Variants in RAPGEF2 observed in about 807,000 individuals in gnomAD.
RAPGEF2 encodes PDZ domain containing guanine nucleotide exchange factor (GEF) 1.
In RAPGEF2, 54 loss-of-function variants were observed where a neutral mutation model predicts 186.7. The observed-to-expected ratio is 0.29, with a 90% CI of 0.23 to 0.36. The LOEUF (loss-of-function observed/expected upper bound fraction) is 0.36. RAPGEF2 is among the 10% of genes least tolerant of loss of function. The pLI, the probability that RAPGEF2 is intolerant of heterozygous loss-of-function variation, is 1.00. For missense variants in RAPGEF2, 1,532 were observed against 2,045.0 expected (o/e 0.75, Z 4.84); for synonymous variants, 712 against 705.9 (o/e 1.01, Z -0.14).
intron 1 of RAPGEF2, among the ~76,000 whole-genome samples, chr4:159,128,043 G>A (rs1344628524): frequency 6.6e-6 from 1 of 152,080 alleles, no homozygotes; most frequent in Non-Finnish European, 1.5e-5. Flanking sequence ...ATTTAGGTAT[G>A]TATATATATG....
chr4:159,303,700 A>G (rs1168652171), intron 7 of RAPGEF2, among the ~76,000 whole-genome samples: 1 of 152,046 alleles, frequency 6.6e-6, no homozygotes, highest in South Asian at 2.1e-4. Flanking sequence ...CGTAAGGGAT[A>G]CTTAGTGAAT....
At chr4:159,342,859 G>A in intron 20 of RAPGEF2, 120 bp from the exon 21 acceptor site, 1 of 904,620 alleles carries the variant, frequency 1.1e-6, no homozygotes, top group Non-Finnish European at 1.7e-6. Flanking sequence ...AGTTTCTTAT[G>A]CAGCCTTCTG....
chr4:159,176,072 G>A (rs969427274), intron 1 of RAPGEF2, among the ~76,000 whole-genome samples: 6 of 152,192 alleles, frequency 3.9e-5, no homozygotes, highest in Non-Finnish European at 5.9e-5. Context: ...AACTTTAGAG[G>A]CTCAGAAAGG....
intron 4 of RAPGEF2, among the ~76,000 whole-genome samples, chr4:159,212,050 A>G (rs1750584613): frequency 1.3e-5 from 2 of 152,322 alleles, no homozygotes; most frequent in Non-Finnish European, 1.5e-5. Flanking sequence ...ATGATTTCAT[A>G]ACTCTCCTTT....
intron 9 of RAPGEF2, among the ~76,000 whole-genome samples, chr4:159,319,250 G>A (rs575967418): frequency 6.6e-6 from 1 of 152,276 alleles, no homozygotes; most frequent in East Asian, 1.9e-4. Context: ...AGGTGAGGGA[G>A]CATTACCACC....
intron 1 of RAPGEF2, among the ~76,000 whole-genome samples, chr4:159,179,978 C>T (rs1374528089): frequency 6.6e-6 from 1 of 152,114 alleles, no homozygotes; most frequent in Non-Finnish European, 1.5e-5. Context: ...ATTCTTAGAC[C>T]AGGGCATAGT....
At chr4:159,183,889 C>A (rs577973264) in intron 1 of RAPGEF2, among the ~76,000 whole-genome samples, 1 of 152,298 alleles carries the variant, frequency 6.6e-6, no homozygotes, top group South Asian at 2.1e-4. Context: ...TATCCCTCCC[C>A]CCTCCTCTCA....
At chr4:159,227,460 A>G (rs1442287964) in intron 4 of RAPGEF2, among the ~76,000 whole-genome samples, 3 of 152,232 alleles carry the variant, frequency 2.0e-5, no homozygotes, top group African/African-American at 2.4e-5. Flanking sequence ...AGTATATTGG[A>G]TGGGCATGTG....
intron 1 of RAPGEF2, among the ~76,000 whole-genome samples, chr4:159,176,221 G>GTT (rs1488407274): frequency 6.6e-6 from 1 of 152,158 alleles, no homozygotes; most frequent in East Asian, 1.9e-4. Flanking sequence ...TGGTGTTTGG[G>GTT]TTTCATTCCA....
At chr4:159,306,126 C>T (rs952924168) in intron 8 of RAPGEF2, among the ~76,000 whole-genome samples, 4 of 148,218 alleles carry the variant, frequency 2.7e-5, no homozygotes, top group Non-Finnish European at 4.5e-5. Flanking sequence ...TTTGTGATTA[C>T]GTATGAACTT....
intron 7 of RAPGEF2, among the ~76,000 whole-genome samples, chr4:159,287,897 A>G (rs537354352): frequency 2.9e-4 from 44 of 152,266 alleles, no homozygotes; most frequent in African/African-American, 1.0e-3. Context: ...TGAATCCTCA[A>G]GCTCTTCCAG....
At chr4:159,104,537 A>AGAGAGG (rs1560964949) in intron 1 of RAPGEF2, among the ~76,000 whole-genome samples, 1 of 105,574 alleles carries the variant, frequency 9.5e-6, no homozygotes, top group African/African-American at 4.7e-5. Flanking sequence ...GGAGAGACAG[A>AGAGAGG]GAGAGAGAGA....
intron 7 of RAPGEF2, among the ~76,000 whole-genome samples, chr4:159,271,402 G>A (rs750945638): frequency 1.2e-4 from 18 of 152,138 alleles, no homozygotes; most frequent in Non-Finnish European, 1.8e-4. Context: ...GTACACATAA[G>A]AAAGTGCCCT....
At chr4:159,204,674 G>A (rs1030237508) in intron 3 of RAPGEF2, among the ~76,000 whole-genome samples, 17 of 152,110 alleles carry the variant, frequency 1.1e-4, no homozygotes, top group Non-Finnish European at 1.9e-4. Context: ...AGAGTTTCTC[G>A]TTATAAACCA....
intron 4 of RAPGEF2, among the ~76,000 whole-genome samples, chr4:159,213,604 G>C (rs1205338614): frequency 6.6e-6 from 1 of 152,186 alleles, no homozygotes; most frequent in South Asian, 2.1e-4. Flanking sequence ...TTGGCTTCCA[G>C]ATTTAATTAG....
At chr4:159,141,456 A>G (rs1284565684) in intron 1 of RAPGEF2, among the ~76,000 whole-genome samples, 2 of 152,066 alleles carry the variant, frequency 1.3e-5, no homozygotes, top group Non-Finnish European at 2.9e-5. Context: ...TCTGGATTCC[A>G]TGTCCCCTTA....
intron 4 of RAPGEF2, among the ~76,000 whole-genome samples, chr4:159,226,497 A>T (rs1356932617): frequency 6.6e-6 from 1 of 152,128 alleles, no homozygotes; most frequent in Non-Finnish European, 1.5e-5. Flanking sequence ...AAACCAGGTT[A>T]TCAGTGCCAA....
intron 3 of RAPGEF2, among the ~76,000 whole-genome samples, chr4:159,193,753 T>C (rs141061464): frequency 6.6e-6 from 1 of 152,390 alleles, no homozygotes; most frequent in Non-Finnish European, 1.5e-5. Context: ...GACAGCGTAT[T>C]CTTAAAGAAT....
intron 1 of RAPGEF2, among the ~76,000 whole-genome samples, chr4:159,152,512 G>A (rs900049989): frequency 8.5e-5 from 13 of 152,156 alleles, no homozygotes; most frequent in Non-Finnish European, 1.9e-4. Context: ...GTTTTTTCAA[G>A]AATACTTTAT....
Sources: gnomAD v4.1 joint callset for allele counts (sites outside exome capture counted in the v4.1 genomes callset) on GRCh38, gnomAD v4.1.1 for gene constraint, MANE v1.5 for transcripts, NCBI Gene and HGNC (gene_info 2026-07-23, HGNC 2026-07-21) for gene names.